ZFYVE28: variants seen among roughly 807,000 people sequenced by gnomAD.
ZFYVE28 encodes zinc finger FYVE-type containing 28.
Under a neutral mutation model 82.1 loss-of-function variants are expected in ZFYVE28, and 40 were observed. The observed-to-expected ratio is 0.49, with a 90% CI of 0.38 to 0.63. The LOEUF (loss-of-function observed/expected upper bound fraction) is 0.63. Among genes scored for constraint, ZFYVE28 ranks in the 30% least tolerant of loss-of-function variants. The pLI, the probability that ZFYVE28 is intolerant of heterozygous loss-of-function variation, is 0.00. For missense variants in ZFYVE28, 1,321 were observed against 1,242.1 expected (o/e 1.06, Z -0.96); for synonymous variants, 612 against 546.1 (o/e 1.12, Z -1.68).
intron 1 of ZFYVE28, among the ~76,000 whole-genome samples, chr4:2,392,963 A>G (rs141833558): frequency 3.9e-4 from 60 of 152,356 alleles, no homozygotes; most frequent in African/African-American, 1.4e-3. Flanking sequence ...CAAGAAAAGA[A>G]AAAAGCTTTT....
chr4:2,374,782 T>C (rs1047743072), intron 1 of ZFYVE28, among the ~76,000 whole-genome samples: 1 of 152,258 alleles, frequency 6.6e-6, no homozygotes, highest in African/African-American at 2.4e-5. Context: ...CTGTGGCTCC[T>C]GCCTCATCTC....
intron 7 of ZFYVE28, among the ~76,000 whole-genome samples, chr4:2,313,593 C>T (rs563217424): frequency 2.0e-5 from 3 of 151,778 alleles, no homozygotes; most frequent in Non-Finnish European, 2.9e-5. Context: ...AGGGTGGGCC[C>T]GGTGGCTCAT....
chr4:2,320,359 AC>A lies in ZFYVE28; in HGVS notation c.702-89del. On this transcript the variant is annotated intron_variant, in intron 6 of 12. Coordinates refer to ENST00000290974, the MANE Select transcript of ZFYVE28 (RefSeq NM_020972.3). The surrounding 1 kb of genome is among the most constrained non-coding windows in gnomAD (Gnocchi z 5.1). ...CCCAACTTAACCACCTGCGAAAACC[AC>A]GCCCGCTGGGACTCTGCAGCGCCAC... 1 of 1,199,748 alleles carries A rather than the reference AC, an allele frequency of 8.3e-7. No homozygotes were observed. The highest frequency in any genetic ancestry group is 1.5e-5 in the African/African-American group (1 of 66,350). 74.3% of individuals were successfully genotyped at this position (1,199,748 alleles called of 1,614,324 possible). A position where few individuals can be genotyped will look rare whatever the true frequency, so the allele number is the denominator to read the frequency against.
At chr4:2,360,209 G>A (rs1483887168) in intron 1 of ZFYVE28, among the ~76,000 whole-genome samples, 1 of 151,468 alleles carries the variant, frequency 6.6e-6, no homozygotes, top group African/African-American at 2.4e-5. Flanking sequence ...CGACCACGAG[G>A]AACAACACTC....
intron 6 of ZFYVE28, among the ~76,000 whole-genome samples, chr4:2,327,108 G>A (rs1042938335): frequency 4.0e-5 from 6 of 151,506 alleles, no homozygotes; most frequent in Middle Eastern, 3.4e-3. Flanking sequence ...AAATTAGCTG[G>A]GCATGGTGGC....
At chr4:2,316,700 T>TC (rs1718258535) in intron 7 of ZFYVE28, among the ~76,000 whole-genome samples, 1 of 37,704 alleles carries the variant, frequency 2.7e-5, no homozygotes, top group Non-Finnish European at 7.0e-5. Context: ...CTTGTCTCTC[T>TC]TTTTTTTTTT....
intron 8 of ZFYVE28, among the ~76,000 whole-genome samples, chr4:2,275,791 G>A (rs1236915716): frequency 5.3e-5 from 8 of 152,250 alleles, no homozygotes; most frequent in African/African-American, 1.9e-4. Flanking sequence ...GGCCTCTGTT[G>A]CCGGCATACA....
rs187998565 is a variant in ZFYVE28 at position 2,271,166 on chromosome 4, G to A, written c.2532+145C>T. 191 of 857,128 alleles carry A rather than the reference G, an allele frequency of 2.2e-4. No homozygotes were observed. The African/African-American group carries it at 2.7e-3, about 12-fold the overall frequency. The allele number at this position is 857,128 out of a possible 1,614,324, so 53.1% of individuals were successfully genotyped here. On this transcript the variant is annotated intron_variant, in intron 12 of 12. Coordinates refer to ENST00000290974, the MANE Select transcript of ZFYVE28 (RefSeq NM_020972.3). ...GTCAAATGCCTGGAGTCAGAACAGG[G>A]CCCGGGACCTCCAGGGGCCTCTGCA...
At chr4:2,395,001 G>T (rs1056109080) in intron 1 of ZFYVE28, among the ~76,000 whole-genome samples, 12 of 152,222 alleles carry the variant, frequency 7.9e-5, no homozygotes, top group African/African-American at 2.9e-4. Flanking sequence ...TCCAGGAGAT[G>T]AAATGAAATG....
chr4:2,357,743 T>C (rs1725545778), intron 1 of ZFYVE28, among the ~76,000 whole-genome samples: 1 of 152,208 alleles, frequency 6.6e-6, no homozygotes, highest in African/African-American at 2.4e-5. Flanking sequence ...GGCCAGGTAC[T>C]GAATTTAGGG....
intron 1 of ZFYVE28, among the ~76,000 whole-genome samples, chr4:2,360,572 G>A (rs780860711): frequency 2.0e-5 from 3 of 152,188 alleles, no homozygotes; most frequent in African/African-American, 4.8e-5. Context: ...GGCGGGAGCA[G>A]GAGGGGTCTT....
At chr4:2,364,518 C>T in intron 1 of ZFYVE28, 1 of 985,462 alleles carries the variant, frequency 1.0e-6, no homozygotes, top group South Asian at 4.7e-5. Context: ...TAGAGGAATC[C>T]TCCACAGCCC....
At chr4:2,324,368 G>C (rs1035854789) in intron 6 of ZFYVE28, 1 of 152,306 alleles carries the variant, frequency 6.6e-6, no homozygotes, top group Non-Finnish European at 1.5e-5. Context: ...CAGCAGGGTG[G>C]TGCTGACGTG....
chr4:2,301,794 G>A (rs746685652), intron 8 of ZFYVE28, among the ~76,000 whole-genome samples: 1 of 152,238 alleles, frequency 6.6e-6, no homozygotes, highest in Admixed American at 6.5e-5. Flanking sequence ...AACTGGGTCT[G>A]AGCCCCTGAG....
In ZFYVE28 at chr4:2,335,823, A is replaced by G; in HGVS notation, c.612-29T>C. 6.5e-7 allele frequency: 1 copy of G among 1,543,614 alleles called. No individual in the cohort carries two copies. Among genetic ancestry groups the G allele is most frequent in the Non-Finnish European group, 8.8e-7 (1 of 1,140,684 alleles). ...TCCGGGGAGACGGACAGTGAGCAGC[A>G]TGAGGGCTGGCCCACCACAGCCACA... On this transcript the variant is annotated intron_variant, in intron 5 of 12. Coordinates refer to ENST00000290974, the MANE Select transcript of ZFYVE28 (RefSeq NM_020972.3). The surrounding 1 kb of genome is among the most constrained non-coding windows in gnomAD (Gnocchi z 5.8).
At position 2,270,431 on chromosome 4, in the gene ZFYVE28, C is replaced by G. The variant is rs1288932593; in HGVS notation, c.*294G>C. ...TAGCCCCAGCAGATCTCCGAGGGAC[C>G]AGTGGGAGGGCCCAGGCCTTCTCCG... On this transcript the variant is annotated 3_prime_UTR_variant, in exon 13 of 13. Coordinates refer to ENST00000290974, the MANE Select transcript of ZFYVE28 (RefSeq NM_020972.3). 2.2e-6 allele frequency: 1 copy of G among 462,468 alleles called. No individual in the cohort carries two copies. The allele number at this position is 462,468 out of a possible 1,614,324, so 28.6% of individuals were successfully genotyped here.
intron 8 of ZFYVE28, among the ~76,000 whole-genome samples, chr4:2,301,983 C>T (rs533670800): frequency 1.3e-5 from 2 of 152,320 alleles, no homozygotes; most frequent in East Asian, 1.9e-4. Context: ...CACTTGGGCC[C>T]GAGTGCACGC....
intron 8 of ZFYVE28, among the ~76,000 whole-genome samples, chr4:2,293,771 A>AAAC (rs1714116549): frequency 4.7e-5 from 7 of 149,956 alleles, no homozygotes; most frequent in Non-Finnish European, 8.9e-5. Flanking sequence ...AAAAAAAAAA[A>AAAC]TCTTCTAGAA....
intron 6 of ZFYVE28, chr4:2,330,866 G>A: frequency 6.5e-7 from 1 of 1,535,296 alleles, no homozygotes; most frequent in South Asian, 1.2e-5. Flanking sequence ...GAGGACTGGT[G>A]TGGGCACGGT....
Sources: gnomAD v4.1 joint callset for allele counts (sites outside exome capture counted in the v4.1 genomes callset) on GRCh38, gnomAD v4.1.1 for gene constraint, Gnocchi (gnomAD v3.1) non-coding constraint, MANE v1.5 for transcripts, NCBI Gene and HGNC (gene_info 2026-07-23, HGNC 2026-07-21) for gene names.